Variants in TRRAP observed in about 807,000 individuals in gnomAD.
TRRAP encodes transformation/transcription domain associated protein.
In TRRAP, 41 loss-of-function variants were observed where a neutral mutation model predicts 438.8. That is an observed-to-expected ratio of 0.09 (90% CI 0.07 to 0.12). TRRAP has a LOEUF of 0.12. Among genes scored for constraint, TRRAP ranks in the 10% least tolerant of loss-of-function variants. The probability of loss-of-function intolerance (pLI) is 1.00; values close to 1 mark genes in which losing one functional copy is unlikely to be tolerated. For synonymous variants in TRRAP, 1,994 were observed against 1,962.9 expected (o/e 1.02, Z -0.42); for missense variants, 3,122 against 5,055.1 (o/e 0.62, Z 11.60).
In TRRAP at chr7:98,917,662, C is replaced by T; in HGVS notation, c.2605C>T (p.Arg869Cys). 6.2e-7 allele frequency: 1 copy of T among 1,613,980 alleles called. No individual in the cohort carries two copies. Among genetic ancestry groups the T allele is most frequent in the Admixed American group, 1.7e-5 (1 of 59,998 alleles). The change falls in exon 20 of 73, where the codon CGC becomes TGC. Residue 869 changes from arginine (R) to cysteine (C), a missense_variant. Transcript: ENST00000456197. ...DFLYDHIQPVRAELMQALWRT... is the reference protein window; with the variant it reads ...DFLYDHIQPVCAELMQALWRT... The stretch of plus-strand genomic sequence containing the variant: ...CCTCTACGACCACATCCAGCCGGTG[C>T]GCGCAGAGCTCATGCAGGTAGGATT...
chr7:98,999,448 G>T, intron 67 of TRRAP: 1 of 884,214 alleles, frequency 1.1e-6, no homozygotes, highest in East Asian at 2.5e-5. Context: ...GATGGGAGGG[G>T]CTTGAGCTAT....
At chr7:98,880,727 TTGTC>T (rs1795391332) in intron 1 of TRRAP, among the ~76,000 whole-genome samples, 1 of 152,194 alleles carries the variant, frequency 6.6e-6, no homozygotes, top group African/African-American at 2.4e-5. Context: ...TATTTACATG[TTGTC>T]TGTCTGTGAC....
chr7:98,954,138 G>T (rs1358056200), intron 40 of TRRAP, among the ~76,000 whole-genome samples: 1 of 152,146 alleles, frequency 6.6e-6, no homozygotes, highest in Non-Finnish European at 1.5e-5. Context: ...TCTTCCTGGA[G>T]TACCTCGGTG....
chr7:98,953,071 G>A (rs1277879257), intron 39 of TRRAP, 96 bp from the exon 40 acceptor site: 1 of 454,268 alleles, frequency 2.2e-6, no homozygotes, highest in East Asian at 3.7e-5. Context: ...GTGTGTGTGT[G>A]TGTGTGTGTT....
At chr7:98,883,097 C>T (rs1489795301) in intron 3 of TRRAP, among the ~76,000 whole-genome samples, 1 of 152,270 alleles carries the variant, frequency 6.6e-6, no homozygotes, top group Non-Finnish European at 1.5e-5. Flanking sequence ...AGAACTTTCT[C>T]TATTGTGGAC....
At position 98,910,217 on chromosome 7, in the gene TRRAP, T is replaced by TTCCCCCCCCCCCCCCCCCCCCCCCC; in HGVS notation, c.1512_1513insTCCCCCCCCCCCCCCCCCCCCCCCC (p.Ala505SerfsTer76). ...CTGCTCCCTCCCCAGCCCCTGTCCCTGCCCCACCTCCACCCCCGCCCCCAC... is the reference window on the plus strand; with the variant it reads ...CTGCTCCCTCCCCAGCCCCTGTCCCTTCCCCCCCCCCCCCCCCCCCCCCCCGCCCCACCTCCACCCCCGCCCCCAC... On this transcript the variant is annotated frameshift_variant, in exon 15 of 73. Transcript: ENST00000456197. LOFTEE classifies it high-confidence loss of function. 1 of 1,045,586 alleles carries TTCCCCCCCCCCCCCCCCCCCCCCCC rather than the reference T, an allele frequency of 9.6e-7. No homozygotes were observed. The highest frequency in any genetic ancestry group is 2.2e-5 in the African/African-American group (1 of 46,484). The allele number at this position is 1,045,586 out of a possible 1,614,324, so 64.8% of individuals were successfully genotyped here.
At position 98,908,528 on chromosome 7, in the gene TRRAP, G is replaced by A. The variant is rs1195666503; in HGVS notation, c.1116-200G>A. The stretch of plus-strand genomic sequence containing the variant: ...ACAAAGTTAACCTTTTAGCTTGGAA[G>A]GTAAAGATGGAGGTATCAGTACAAA... On this transcript the variant is annotated intron_variant, in intron 13 of 72. Coordinates refer to ENST00000456197, the MANE Select transcript of TRRAP (RefSeq NM_001375524.1). This position sits in a 1 kb window ranked among gnomAD's most constrained non-coding sequence, Gnocchi z 4.1. Among the ~76,000 whole-genome samples the A allele has an allele frequency of 1.3e-5, 2 of 152,200 alleles. No individual in the cohort carries two copies. The highest frequency in any genetic ancestry group is 4.8e-5 in the African/African-American group (2 of 41,434).
chr7:98,935,480 T>C, intron 27 of TRRAP, 99 bp from the exon 28 acceptor site: 1 of 961,024 alleles, frequency 1.0e-6, no homozygotes, highest in Non-Finnish European at 1.5e-6. Flanking sequence ...TTGTTAATTG[T>C]GTTGCAGTGT....
chr7:98,973,484 C>G (rs1028301000), intron 53 of TRRAP, among the ~76,000 whole-genome samples: 4 of 152,172 alleles, frequency 2.6e-5, no homozygotes, highest in Non-Finnish European at 5.9e-5. Context: ...TGGTTTTACT[C>G]AACAATATTT....
In TRRAP at chr7:98,975,906, A is replaced by G. The variant is rs1304201779; in HGVS notation, c.7840-243A>G. ...AAACCCCCTTAAAAACTAAGGACAA[A>G]TGCAGGCGCCATTGCTGAGCCTCTC... On this transcript the variant is annotated intron_variant, in intron 53 of 72. Transcript: ENST00000456197. The G allele has an allele frequency of 6.4e-6, 3 of 468,606 alleles. No individual in the cohort carries two copies. The East Asian group carries it at 1.1e-4, about 17-fold the overall frequency. The allele number at this position is 468,606 out of a possible 1,614,324, so 29.0% of individuals were successfully genotyped here. A position where few individuals can be genotyped will look rare whatever the true frequency, so the allele number is the denominator to read the frequency against.
chr7:98,989,658 G>A (rs1206951080), intron 63 of TRRAP, among the ~76,000 whole-genome samples: 6 of 152,250 alleles, frequency 3.9e-5, no homozygotes, highest in Non-Finnish European at 5.9e-5. Flanking sequence ...TACAGAGACA[G>A]CTACACGCAC....
chr7:98,905,237 T>C (rs1286033416), intron 12 of TRRAP, among the ~76,000 whole-genome samples: 6 of 152,180 alleles, frequency 3.9e-5, no homozygotes, highest in Non-Finnish European at 8.8e-5. Context: ...AGGGGCCTGC[T>C]TGTGGCTGTT....
At chr7:98,968,703 C>A (rs537173495) in intron 51 of TRRAP, among the ~76,000 whole-genome samples, 1 of 152,290 alleles carries the variant, frequency 6.6e-6, no homozygotes, top group African/African-American at 2.4e-5. Context: ...TGGATTAGTT[C>A]TCTTTGATGA....
At chr7:99,004,509 T>C (rs149233229) in intron 68 of TRRAP, 94 bp downstream of exon 68, 153 of 1,064,216 alleles carry the variant, frequency 1.4e-4, no homozygotes, top group Non-Finnish European at 1.9e-4. Flanking sequence ...TGGGGAATTT[T>C]GGACACAGAT....
intron 44 of TRRAP, among the ~76,000 whole-genome samples, 195 bp from the exon 45 acceptor site, chr7:98,959,149 G>T (rs1791766303): frequency 6.6e-6 from 1 of 152,100 alleles, no homozygotes; most frequent in Non-Finnish European, 1.5e-5. Context: ...AGAGGAGGGG[G>T]CCGTGAGGGG....
At chr7:98,990,739 T>C (rs1793396534) in intron 64 of TRRAP, 120 bp downstream of exon 64, 2 of 1,088,466 alleles carry the variant, frequency 1.8e-6, no homozygotes, top group Non-Finnish European at 2.6e-6. Context: ...GTTAAAGAGA[T>C]GGGAAGATAT....
chr7:98,903,281 C>G, intron 11 of TRRAP, 98 bp from the exon 12 acceptor site: 1 of 1,513,586 alleles, frequency 6.6e-7, no homozygotes, highest in Non-Finnish European at 8.9e-7. Context: ...CTCGGCCTCC[C>G]AAAGGTCTTA....
At chr7:98,950,822 A>G (rs532003139) in intron 38 of TRRAP, 54 bp from the exon 39 acceptor site, 51 of 1,468,884 alleles carry the variant, frequency 3.5e-5, no homozygotes, top group Non-Finnish European at 4.5e-5. Context: ...CCGTCTTAAG[A>G]AACAAACAGC....
rs1554417802 is a variant in TRRAP, at chr7:98,949,860, C to T, written c.5135+19C>T. The T allele has an allele frequency of 6.2e-7, 1 of 1,607,272 alleles. No individual in the cohort carries two copies. The highest frequency in any genetic ancestry group is 1.7e-5 in the Admixed American group (1 of 59,690). ...ACTGCAAGTGGGTGCCTCCTCCCGC[C>T]CTGCCCCGCGGGACTGGCTCTGTCC... On this transcript the variant is annotated intron_variant, in intron 37 of 72. Coordinates refer to ENST00000456197, the MANE Select transcript of TRRAP (RefSeq NM_001375524.1).
Sources: allele counts gnomAD v4.1 joint callset (sites outside exome capture counted in the v4.1 genomes callset), GRCh38; gene constraint gnomAD v4.1.1; non-coding constraint Gnocchi (gnomAD v3.1); transcripts MANE v1.5; gene names NCBI Gene and HGNC (gene_info 2026-07-23, HGNC 2026-07-21).